Variants in HIVEP3 observed in about 807,000 individuals in gnomAD.
The protein encoded by HIVEP3 is HIVEP zinc finger 3, also known as transcription factor HIVEP3.
HIVEP3 carries 49 observed loss-of-function variants against 152.8 expected under a neutral mutation model. That is an observed-to-expected ratio of 0.32 (90% CI 0.26 to 0.41). The LOEUF (loss-of-function observed/expected upper bound fraction) is 0.41, where lower values mean the gene tolerates loss of function less well. Ranked by LOEUF, HIVEP3 falls within the 10% of genes least tolerant of loss-of-function variation. The pLI is 1.00. For synonymous variants in HIVEP3, 1,269 were observed against 1,289.0 expected, an observed-to-expected ratio of 0.98 and a Z score of 0.33; for missense variants, 2,790 against 3,103.3, an observed-to-expected ratio of 0.90 and a Z score of 2.40.
chr1:41,755,223 A>T (rs1263352840), intron 1 of HIVEP3, among the ~76,000 whole-genome samples: 1 of 152,200 alleles, frequency 6.6e-6, no homozygotes, highest in East Asian at 1.9e-4. Context: ...TTTTTTTAAC[A>T]AGCGGTGCTA....
intron 1 of HIVEP3, among the ~76,000 whole-genome samples, chr1:41,843,364 T>G (rs1643344409): frequency 1.3e-5 from 2 of 152,238 alleles, no homozygotes; most frequent in South Asian, 4.1e-4. Flanking sequence ...TAAAAGGTCC[T>G]GGGAAAATAG....
At chr1:41,682,045 G>A (rs1411370192) in intron 2 of HIVEP3, among the ~76,000 whole-genome samples, 4 of 152,004 alleles carry the variant, frequency 2.6e-5, no homozygotes, top group African/African-American at 4.8e-5. Context: ...AAGGGTCTCC[G>A]CGGATATCAC....
chr1:41,582,367 A>G lies in HIVEP3; in HGVS notation c.2431T>C (p.Ser811Pro). Reference sequence around the variant, plus strand: ...TCCAAGCCACTCGGCTGCTCGAGAGAATCAGATTTCTCAAAGGAGCTGGTG... The same window carrying G: ...TCCAAGCCACTCGGCTGCTCGAGAGGATCAGATTTCTCAAAGGAGCTGGTG... ...QHTSSFEKSD[S>P]LEQPSGLEGE... The change falls in exon 4 of 9, where the codon TCT becomes CCT. Residue 811 changes from serine (S) to proline (P), a missense_variant. Physicochemically the swap from Ser to Pro is moderately conservative, Grantham distance 74. Around this residue, in one of 9 missense-constraint regions of HIVEP3, gnomAD observed 1,078 missense variants for 1,165.3 expected, o/e 0.93. Transcript: ENST00000372583. This position sits in a 1 kb window ranked among gnomAD's most constrained non-coding sequence, Gnocchi z 4.7. The G allele has an allele frequency of 6.2e-7, 1 of 1,614,104 alleles. No individual in the cohort carries two copies. Among genetic ancestry groups the G allele is most frequent in the Non-Finnish European group, 8.5e-7 (1 of 1,179,994 alleles).
chr1:41,905,653 T>C (rs1045417883), intron 1 of HIVEP3, among the ~76,000 whole-genome samples: 1 of 152,082 alleles, frequency 6.6e-6, no homozygotes, highest in African/African-American at 2.4e-5. Flanking sequence ...TATGACAGAG[T>C]TGGGATTTGA....
chr1:41,707,073 A>G (rs1646444677), intron 1 of HIVEP3, among the ~76,000 whole-genome samples: 1 of 152,240 alleles, frequency 6.6e-6, no homozygotes, highest in African/African-American at 2.4e-5. Context: ...TGTAAGACAG[A>G]TAAAGGCAGG....
intron 1 of HIVEP3, among the ~76,000 whole-genome samples, chr1:41,845,938 G>A (rs1000558805): frequency 6.6e-6 from 1 of 152,102 alleles, no homozygotes; most frequent in Admixed American, 6.5e-5. Context: ...ATGGTGGTTG[G>A]TGCCTGTAGT....
intron 1 of HIVEP3, among the ~76,000 whole-genome samples, chr1:41,896,665 C>T (rs1269310952): frequency 6.6e-6 from 1 of 151,518 alleles, no homozygotes; most frequent in Non-Finnish European, 1.5e-5. Context: ...ACCTCTGCCT[C>T]CCGGGTTCAA....
chr1:41,818,738 A>T (rs1211871214), intron 1 of HIVEP3, among the ~76,000 whole-genome samples: 1 of 152,236 alleles, frequency 6.6e-6, no homozygotes, highest in Non-Finnish European at 1.5e-5. Flanking sequence ...TTAGCACACT[A>T]GCCCATGCAC....
chr1:41,767,639 G>A (rs1448892647), intron 1 of HIVEP3, among the ~76,000 whole-genome samples: 1 of 152,216 alleles, frequency 6.6e-6, no homozygotes, highest in Non-Finnish European at 1.5e-5. Context: ...TCCCAGAGCT[G>A]AAGGACTCTC....
At chr1:41,696,767 G>A (rs549703869) in intron 2 of HIVEP3, among the ~76,000 whole-genome samples, 42 of 152,080 alleles carry the variant, frequency 2.8e-4, no homozygotes, top group African/African-American at 7.5e-4. Context: ...AAAAATCTGC[G>A]TAACTGCATA....
At chr1:41,545,599 C>CTACCATCACCACCACCAT (rs1558049192) in intron 5 of HIVEP3, among the ~76,000 whole-genome samples, 3 of 138,398 alleles carry the variant, frequency 2.2e-5, no homozygotes, top group Non-Finnish European at 3.2e-5. Context: ...ATCACCACCA[C>CTACCATCACCACCACCAT]CACCACCATC....
chr1:42,003,989 G>A (rs1003463485), intron 1 of HIVEP3, among the ~76,000 whole-genome samples: 4 of 152,074 alleles, frequency 2.6e-5, no homozygotes, highest in South Asian at 2.1e-4. Flanking sequence ...TACTAAATCC[G>A]GGCAGAGTGA....
At chr1:41,980,408 G>T (rs544431187) in intron 1 of HIVEP3, among the ~76,000 whole-genome samples, 1 of 152,120 alleles carries the variant, frequency 6.6e-6, no homozygotes, top group Non-Finnish European at 1.5e-5. Flanking sequence ...GCTACAATGC[G>T]ATGAATGTCA....
At chr1:41,568,856 C>T (rs1056462601) in intron 5 of HIVEP3, among the ~76,000 whole-genome samples, 2 of 152,226 alleles carry the variant, frequency 1.3e-5, no homozygotes, top group Non-Finnish European at 2.9e-5. Flanking sequence ...GCCCAAATCT[C>T]ATGTCAAATT....
chr1:41,563,050 A>G (rs922163943), intron 5 of HIVEP3, among the ~76,000 whole-genome samples: 1 of 151,970 alleles, frequency 6.6e-6, no homozygotes, highest in South Asian at 2.1e-4. Context: ...CAGGGGTGCC[A>G]TAAAGAAATA....
chr1:41,650,723 T>C (rs901966628), intron 2 of HIVEP3, among the ~76,000 whole-genome samples: 8 of 152,192 alleles, frequency 5.3e-5, no homozygotes, highest in Non-Finnish European at 8.8e-5. Flanking sequence ...TACATGTGCA[T>C]ACACAGACTT....
chr1:41,709,078 C>T lies in HIVEP3; in HGVS notation c.-800-8083G>A, dbSNP rs139743291. On this transcript the variant is annotated intron_variant, in intron 1 of 8. Coordinates refer to ENST00000372583, the MANE Select transcript of HIVEP3 (RefSeq NM_024503.5). ...GATGTTCCTCTTCTGCACCCCCTAC[C>T]ACCACATGGCATATGGCCCTGGACT... is the stretch of plus-strand genomic sequence containing the variant. 4.2e-4 allele frequency among the ~76,000 whole-genome samples: 64 copies of T among 152,310 alleles called. 1 individual carries two copies. The East Asian group carries it at 0.012, about 28-fold the overall frequency.
Position 41,602,125 on chromosome 1 carries a change from C to T in HIVEP3, c.-521-16807G>A, listed in dbSNP as rs148770173. On this transcript the variant is annotated intron_variant, in intron 3 of 8. Coordinates refer to ENST00000372583, the MANE Select transcript of HIVEP3 (RefSeq NM_024503.5). ...GTCATGGTGTATGATCCCTTTAATGCACTATTTGGTTTGATGTGCTAGTAT... is the reference window on the plus strand; with the variant it reads ...GTCATGGTGTATGATCCCTTTAATGTACTATTTGGTTTGATGTGCTAGTAT... Among the ~76,000 whole-genome samples the T allele has an allele frequency of 1.7e-3, 263 of 151,896 alleles. 1 individual carries two copies. The highest frequency in any genetic ancestry group is 5.9e-3 in the African/African-American group (244 of 41,438).
chr1:41,562,601 T>C lies in HIVEP3; in HGVS notation c.5207+12943A>G, dbSNP rs900646725. Among the ~76,000 whole-genome samples the C allele has an allele frequency of 8.9e-3, 1,117 of 126,020 alleles. 7 individuals are homozygous for C. Among genetic ancestry groups the C allele is most frequent in the Middle Eastern group, 0.014 (3 of 222 alleles). 82.7% of individuals were successfully genotyped at this position (126,020 alleles called of 152,430 possible). A position where few individuals can be genotyped will look rare whatever the true frequency, so the allele number is the denominator to read the frequency against. ...TTCCTTCCTTCCTTCCTTCCTTTCT[T>C]TCTCTCTCTCTCTCTCTCTCTCTCT... On this transcript the variant is annotated intron_variant, in intron 5 of 8. Transcript: ENST00000372583.
Sources: allele counts gnomAD v4.1 joint callset (sites outside exome capture counted in the v4.1 genomes callset), GRCh38; gene constraint gnomAD v4.1.1; regional missense constraint gnomAD v4.1.1; non-coding constraint Gnocchi (gnomAD v3.1); transcripts MANE v1.5; gene names NCBI Gene and HGNC (gene_info 2026-07-23, HGNC 2026-07-21).